TMOD2: variants seen among roughly 807,000 people sequenced by gnomAD.
TMOD2 encodes tropomodulin-2.
A neutral mutation model predicts 39.9 loss-of-function variants in TMOD2; 22 were observed. The ratio of observed to expected loss-of-function variants is 0.55; its 90% confidence interval spans 0.39 to 0.79. TMOD2 has a LOEUF of 0.79. Among genes scored for constraint, TMOD2 ranks in the 30% least tolerant of loss-of-function variants. The pLI is 0.00. For synonymous variants in TMOD2, 123 were observed against 146.1 expected, an observed-to-expected ratio of 0.84 and a Z score of 1.14; for missense variants, 386 against 413.3, an observed-to-expected ratio of 0.93 and a Z score of 0.57.
chr15:51,780,308 A>G (rs2055921028), intron 5 of TMOD2, among the ~76,000 whole-genome samples: 1 of 152,228 alleles, frequency 6.6e-6, no homozygotes, highest in African/African-American at 2.4e-5. Context: ...TTTTCTCCAC[A>G]TTGTTGCCAA....
chr15:51,782,758 C>T lies in TMOD2; in HGVS notation c.662C>T (p.Ala221Val), dbSNP rs753165451. ...CCAACCCTGAGGGAATTTGCAAAGG[C>T]TCTGGAGACCAACACTCACGTGAAG... ...PIPTLREFAK[A>V]LETNTHVKKF... The change falls in exon 7 of 10, where the codon GCT (alanine) becomes GTT (valine). Residue 221 changes from alanine to valine, a missense_variant. Transcript: ENST00000249700. The T allele has an allele frequency of 1.9e-6, 3 of 1,614,050 alleles. No individual in the cohort carries two copies. Among genetic ancestry groups the T allele is most frequent in the South Asian group, 2.2e-5 (2 of 91,078 alleles).
chr15:51,809,251 T>C lies in TMOD2; in HGVS notation c.*797T>C, dbSNP rs1056771518. ...AACATGATAGAAATTTTCTAAATTTTAGTAAGAGAGAAGCTTTTAAAACAG... is the reference window on the plus strand; with the variant it reads ...AACATGATAGAAATTTTCTAAATTTCAGTAAGAGAGAAGCTTTTAAAACAG... On this transcript the variant is annotated 3_prime_UTR_variant, in exon 10 of 10. Transcript: ENST00000249700. 6.6e-6 allele frequency: 1 copy of C among 152,636 alleles called. No individual in the cohort carries two copies. Among genetic ancestry groups the C allele is most frequent in the African/African-American group, 2.4e-5 (1 of 41,444 alleles). 9.5% of individuals were successfully genotyped at this position (152,636 alleles called of 1,614,324 possible). A position where few individuals can be genotyped will look rare whatever the true frequency, so the allele number is the denominator to read the frequency against.
intron 1 of TMOD2, chr15:51,752,922 A>G (rs1428338498): frequency 6.6e-6 from 1 of 152,196 alleles, no homozygotes; most frequent in African/African-American, 2.4e-5. Flanking sequence ...ATTGGTGGGC[A>G]ACAAAATGAT....
At chr15:51,789,135 C>T (rs933617979) in intron 7 of TMOD2, among the ~76,000 whole-genome samples, 12 of 152,074 alleles carry the variant, frequency 7.9e-5, no homozygotes, top group African/African-American at 2.7e-4. Context: ...CAAAGACACA[C>T]ATAGGCTCAA....
At chr15:51,792,896 G>A (rs944959996) in intron 7 of TMOD2, among the ~76,000 whole-genome samples, 1 of 152,112 alleles carries the variant, frequency 6.6e-6, no homozygotes, top group African/African-American at 2.4e-5. Flanking sequence ...ATAACATTAG[G>A]AGAAATACCT....
intron 3 of TMOD2, among the ~76,000 whole-genome samples, chr15:51,772,371 T>G (rs2055859404): frequency 6.6e-6 from 1 of 152,190 alleles, no homozygotes; most frequent in Admixed American, 6.5e-5. Flanking sequence ...ATGAATGCTC[T>G]GGGGTGTTTT....
chr15:51,760,971 C>T (rs2055776755), intron 1 of TMOD2, among the ~76,000 whole-genome samples: 1 of 151,766 alleles, frequency 6.6e-6, no homozygotes, highest in Non-Finnish European at 1.5e-5. Flanking sequence ...AAGTGGGCTC[C>T]CCAGGAAAGT....
At chr15:51,778,175 A>G (rs1450700429) in intron 5 of TMOD2, among the ~76,000 whole-genome samples, 9 of 151,952 alleles carry the variant, frequency 5.9e-5, no homozygotes, top group Non-Finnish European at 1.0e-4. Context: ...TGATGAGTTA[A>G]TGTCCTTTGT....
intron 4 of TMOD2, 151 bp from the exon 5 acceptor site, chr15:51,776,781 C>T (rs548354621): frequency 2.8e-4 from 165 of 589,226 alleles, no homozygotes; most frequent in Non-Finnish European, 3.8e-4. Flanking sequence ...GTGTATTTAA[C>T]GCTATACATG....
chr15:51,777,077 A>G (rs1461895655), intron 5 of TMOD2, 59 bp downstream of exon 5: 6 of 1,435,278 alleles, frequency 4.2e-6, no homozygotes, highest in Non-Finnish European at 4.9e-6. Context: ...AGTTGCTGGT[A>G]GGAGAGAGGC....
At chr15:51,804,072 C>T (rs2056106690) in intron 8 of TMOD2, among the ~76,000 whole-genome samples, 1 of 152,228 alleles carries the variant, frequency 6.6e-6, no homozygotes, top group South Asian at 2.1e-4. Context: ...GAATTCGAAA[C>T]ATGCTTGCCA....
chr15:51,798,156 T>C (rs1223221997), intron 7 of TMOD2, 41 bp from the exon 8 acceptor site: 1 of 1,544,028 alleles, frequency 6.5e-7, no homozygotes, highest in South Asian at 1.2e-5. Flanking sequence ...CTTTAGAAAT[T>C]CTAACTTAAT....
chr15:51,796,848 C>T (rs2056054495), intron 7 of TMOD2, among the ~76,000 whole-genome samples: 1 of 152,120 alleles, frequency 6.6e-6, no homozygotes, highest in Admixed American at 6.5e-5. Flanking sequence ...CTACTGTTGC[C>T]CTTCTGACCA....
intron 8 of TMOD2, among the ~76,000 whole-genome samples, chr15:51,804,733 C>T (rs1460929977): frequency 6.6e-6 from 1 of 151,874 alleles, no homozygotes; most frequent in Non-Finnish European, 1.5e-5. Context: ...CCACCGCACC[C>T]AGCTAGTTTT....
chr15:51,806,666 A>G, intron 9 of TMOD2, 145 bp downstream of exon 9: 1 of 891,884 alleles, frequency 1.1e-6, no homozygotes, highest in Admixed American at 2.6e-5. Flanking sequence ...ATTATAATAC[A>G]TGGTCATAGG....
chr15:51,765,232 C>T (rs1270868923), intron 1 of TMOD2, among the ~76,000 whole-genome samples: 1 of 152,208 alleles, frequency 6.6e-6, no homozygotes, highest in Non-Finnish European at 1.5e-5. Context: ...AACTCCTGAC[C>T]TCAGGTGATC....
intron 7 of TMOD2, 39 bp from the exon 8 acceptor site, chr15:51,798,158 T>C: frequency 6.5e-7 from 1 of 1,546,622 alleles, no homozygotes; most frequent in South Asian, 1.2e-5. Context: ...TTAGAAATTC[T>C]AACTTAATTC....
At position 51,755,237 on chromosome 15, in the gene TMOD2, A is replaced by G. The variant is rs1439459469; in HGVS notation, c.-70+3525A>G. On this transcript the variant is annotated intron_variant, in intron 1 of 9. Transcript: ENST00000249700. ...CTCTTCTGCTATGGCTCTTCCATGG[A>G]CTGAAATAGCCACCTTTCCTCCCAA... is the stretch of plus-strand genomic sequence containing the variant. 2.0e-5 allele frequency among the ~76,000 whole-genome samples: 3 copies of G among 152,176 alleles called. No homozygotes were observed. In the East Asian group the frequency reaches 5.8e-4, roughly 29 times the overall value.
intron 7 of TMOD2, among the ~76,000 whole-genome samples, chr15:51,790,849 G>A (rs543573069): frequency 2.0e-4 from 31 of 152,224 alleles, no homozygotes; most frequent in African/African-American, 6.7e-4. Flanking sequence ...TTGACGGAAC[G>A]TATCTCAACA....
Sources: gnomAD v4.1 joint callset for allele counts (sites outside exome capture counted in the v4.1 genomes callset) on GRCh38, gnomAD v4.1.1 for gene constraint, MANE v1.5 for transcripts, NCBI Gene and HGNC (gene_info 2026-07-23, HGNC 2026-07-21) for gene names.